RABGAP1L: variants seen among roughly 807,000 people sequenced by gnomAD.
RABGAP1L encodes the protein rab GTPase-activating protein 1-like.
RABGAP1L carries 63 observed loss-of-function variants against 137.7 expected under a neutral mutation model. That is an observed-to-expected ratio of 0.46 (90% CI 0.37 to 0.56). The LOEUF (loss-of-function observed/expected upper bound fraction) is 0.56. Among genes scored for constraint, RABGAP1L ranks in the 20% least tolerant of loss-of-function variants. The probability of loss-of-function intolerance (pLI) is 0.00; values close to 1 mark genes in which losing one functional copy is unlikely to be tolerated. For missense variants in RABGAP1L, 1,095 were observed against 1,244.0 expected, an observed-to-expected ratio of 0.88 and a Z score of 1.80; for synonymous variants, 431 against 433.7, an observed-to-expected ratio of 0.99 and a Z score of 0.08.
intron 14 of RABGAP1L, among the ~76,000 whole-genome samples, chr1:174,639,154 A>T (rs1337793455): frequency 6.6e-6 from 1 of 150,982 alleles, no homozygotes; most frequent in Non-Finnish European, 1.5e-5. Context: ...GCCTCTTCAC[A>T]CTCCTGTCTC....
chr1:174,366,855 G>A (rs185288210), intron 11 of RABGAP1L, among the ~76,000 whole-genome samples: 155 of 149,966 alleles, frequency 1.0e-3, no homozygotes, highest in African/African-American at 3.4e-3. Flanking sequence ...TCTGCTCAAG[G>A]AACTAAAGAA....
chr1:174,584,669 A>G (rs944432953), intron 13 of RABGAP1L, among the ~76,000 whole-genome samples: 2 of 152,328 alleles, frequency 1.3e-5, no homozygotes, highest in East Asian at 1.9e-4. Flanking sequence ...AAACCTTGGT[A>G]TCTCAGATGA....
intron 1 of RABGAP1L, among the ~76,000 whole-genome samples, chr1:174,197,631 T>G (rs1667794858): frequency 6.6e-6 from 1 of 152,142 alleles, no homozygotes; most frequent in Non-Finnish European, 1.5e-5. Flanking sequence ...AAACCCTGTC[T>G]GTACTAAAAA....
At chr1:174,553,728 C>T (rs900739177) in intron 13 of RABGAP1L, among the ~76,000 whole-genome samples, 1 of 152,174 alleles carries the variant, frequency 6.6e-6, no homozygotes, top group Admixed American at 6.6e-5. Context: ...GGGTCAGGCG[C>T]AGTGGCTGAT....
intron 1 of RABGAP1L, among the ~76,000 whole-genome samples, chr1:174,187,410 G>A (rs1666889295): frequency 2.0e-5 from 3 of 152,060 alleles, no homozygotes; most frequent in Non-Finnish European, 2.9e-5. Context: ...TGTCTGCTAT[G>A]TAATAAGAAG....
rs1664751235 is a variant in RABGAP1L, at chr1:174,534,774, C to CA, written c.1711-102601_1711-102600insA. Among the ~76,000 whole-genome samples the CA allele has an allele frequency of 2.2e-4, 7 of 32,222 alleles. No individual in the cohort carries two copies. The Admixed American group carries it at 2.6e-3, about 12-fold the overall frequency. 21.1% of individuals were successfully genotyped at this position (32,222 alleles called of 152,430 possible). A position where few individuals can be genotyped will look rare whatever the true frequency, so the allele number is the denominator to read the frequency against. On this transcript the variant is annotated intron_variant, in intron 13 of 25. Transcript: ENST00000681986. Reference sequence around the variant, plus strand: ...TGGATGACAGAGCGAAACTCTGTCTCCAAAAAAAAAAAAAAAAAAAAAAAA... The same window carrying CA: ...TGGATGACAGAGCGAAACTCTGTCTCACAAAAAAAAAAAAAAAAAAAAAAAA...
At chr1:174,305,370 A>G (rs1018501453) in intron 11 of RABGAP1L, among the ~76,000 whole-genome samples, 4 of 151,994 alleles carry the variant, frequency 2.6e-5, no homozygotes, top group Admixed American at 6.6e-5. Flanking sequence ...GTTGTTTTCT[A>G]TTTTATTTCA....
chr1:174,981,971 G>T (rs929718647), intron 23 of RABGAP1L, among the ~76,000 whole-genome samples: 2 of 151,972 alleles, frequency 1.3e-5, no homozygotes, highest in Non-Finnish European at 2.9e-5. Flanking sequence ...TAATGACTTT[G>T]CCCAAGCTCA....
chr1:174,391,348 G>C (rs1024450665), intron 12 of RABGAP1L, among the ~76,000 whole-genome samples: 4 of 152,162 alleles, frequency 2.6e-5, no homozygotes, highest in African/African-American at 7.2e-5. Context: ...TAAATTTTGA[G>C]ACAGAGTTTC....
intron 13 of RABGAP1L, among the ~76,000 whole-genome samples, chr1:174,619,539 A>G (rs1048864815): frequency 2.0e-5 from 3 of 152,226 alleles, no homozygotes; most frequent in African/African-American, 7.2e-5. Context: ...CAGCCAAACT[A>G]AGCTTCATAA....
chr1:174,574,173 A>T (rs1194498544), intron 13 of RABGAP1L, among the ~76,000 whole-genome samples: 1 of 152,214 alleles, frequency 6.6e-6, no homozygotes, highest in African/African-American at 2.4e-5. Context: ...TATAATTAGA[A>T]ATTCCACAGA....
intron 18 of RABGAP1L, among the ~76,000 whole-genome samples, chr1:174,782,115 A>G (rs557946845): frequency 6.6e-6 from 1 of 152,306 alleles, no homozygotes; most frequent in East Asian, 1.9e-4. Context: ...AGTCATTGGT[A>G]GCTTGATGGG....
intron 18 of RABGAP1L, among the ~76,000 whole-genome samples, chr1:174,790,630 AAAAG>A (rs1481302317): frequency 1.3e-5 from 2 of 151,198 alleles, no homozygotes; most frequent in Non-Finnish European, 3.0e-5. Context: ...GTGAAAAAAA[AAAAG>A]AAAAGAGAAA....
chr1:174,982,974 A>G, intron 24 of RABGAP1L, 69 bp downstream of exon 24: 5 of 1,437,048 alleles, frequency 3.5e-6, no homozygotes, highest in Non-Finnish European at 4.8e-6. Flanking sequence ...TACCTGAAAG[A>G]ACCCCAAACA....
chr1:174,171,134 T>A (rs1665350274), intron 1 of RABGAP1L, among the ~76,000 whole-genome samples: 2 of 152,208 alleles, frequency 1.3e-5, no homozygotes, highest in Non-Finnish European at 2.9e-5. Context: ...GAGGAGTATA[T>A]GTAAATAACA....
intron 14 of RABGAP1L, among the ~76,000 whole-genome samples, chr1:174,662,102 CTTTTTT>C (rs749496325): frequency 4.4e-5 from 4 of 90,272 alleles, no homozygotes; most frequent in African/African-American, 2.5e-4. Context: ...CTTTTCTTTT[CTTTTTT>C]TTTTTTTTTT....
At chr1:174,977,740 A>G (rs1001835267) in intron 22 of RABGAP1L, among the ~76,000 whole-genome samples, 1 of 152,342 alleles carries the variant, frequency 6.6e-6, no homozygotes, top group African/African-American at 2.4e-5. Flanking sequence ...CCTAACATCT[A>G]TGGGGCCTTA....
At chr1:174,585,724 A>G (rs1669063648) in intron 13 of RABGAP1L, among the ~76,000 whole-genome samples, 1 of 152,198 alleles carries the variant, frequency 6.6e-6, no homozygotes, top group Non-Finnish European at 1.5e-5. Flanking sequence ...AGCCCTTGAT[A>G]AGTCCACCCT....
In RABGAP1L at chr1:174,855,028, A is replaced by C. The variant is rs114251310; in HGVS notation, c.2340+43068A>C. Among the ~76,000 whole-genome samples the C allele has an allele frequency of 9.7e-3, 1,481 of 151,930 alleles. 14 individuals carry two copies. The highest frequency in any genetic ancestry group is 0.015 in the Non-Finnish European group (1,021 of 67,896). On this transcript the variant is annotated intron_variant, in intron 19 of 25. Coordinates refer to ENST00000681986, the MANE Select transcript of RABGAP1L (RefSeq NM_001366446.1). Reference sequence around the variant, plus strand: ...GCTGGGATTACAGGAGTGAGCCACCACACCCAGCCCATAAATGCCTTTTTT... The same window carrying C: ...GCTGGGATTACAGGAGTGAGCCACCCCACCCAGCCCATAAATGCCTTTTTT...
Sources: allele counts gnomAD v4.1 joint callset (sites outside exome capture counted in the v4.1 genomes callset), GRCh38; gene constraint gnomAD v4.1.1; transcripts MANE v1.5; gene names NCBI Gene and HGNC (gene_info 2026-07-23, HGNC 2026-07-21).